Variants in CYFIP1 observed in about 807,000 individuals in gnomAD.
CYFIP1 encodes the protein cytoplasmic FMR1-interacting protein 1.
Under a neutral mutation model 163.5 loss-of-function variants are expected in CYFIP1, and 58 were observed. That is an observed-to-expected ratio of 0.35 (90% confidence interval 0.29 to 0.44). The LOEUF is 0.44. Among genes scored for constraint, CYFIP1 ranks in the 20% least tolerant of loss-of-function variants. CYFIP1 has a pLI of 1.00. For synonymous variants in CYFIP1, 663 were observed against 660.7 expected (o/e 1.00, Z -0.05); for missense variants, 1,338 against 1,653.8 (o/e 0.81, Z 3.31).
Position 22,878,139 on chromosome 15 carries a change from G to T in CYFIP1, c.3042+1774C>A, listed in dbSNP as rs543967150. On this transcript the variant is annotated intron_variant, in intron 26 of 30. Transcript: ENST00000617928. ...GGCCTCCCCAGGCAGCTCTGGAGAC[G>T]AAGTGCCATTCCCATGCACAAGCCA... Among the ~76,000 whole-genome samples, 3 of 152,310 alleles carry T rather than the reference G, an allele frequency of 2.0e-5. No individual in the cohort carries two copies. In the South Asian group the frequency reaches 6.2e-4, roughly 32 times the overall value.
intron 26 of CYFIP1, among the ~76,000 whole-genome samples, chr15:22,875,890 A>ACATATATATATATATG (rs1595491064): frequency 1.3e-4 from 17 of 133,110 alleles, no homozygotes; most frequent in Non-Finnish European, 4.7e-5. Context: ...AATAACATAT[A>ACATATATATATATATG]TATATATAAA....
At chr15:22,915,360 A>C (rs2060938106) in intron 16 of CYFIP1, among the ~76,000 whole-genome samples, 1 of 152,022 alleles carries the variant, frequency 6.6e-6, no homozygotes, top group African/African-American at 2.4e-5. Context: ...CCCGAATTCA[A>C]GTGATTCTCC....
chr15:22,914,967 G>T, intron 16 of CYFIP1, 85 bp from the exon 17 acceptor site: 1 of 1,400,290 alleles, frequency 7.1e-7, no homozygotes, highest in Non-Finnish European at 9.6e-7. Context: ...TGTGTGCTGG[G>T]TGCCTGCTCC....
At chr15:22,883,785 C>A (rs991718842) in intron 23 of CYFIP1, among the ~76,000 whole-genome samples, 5 of 145,612 alleles carry the variant, frequency 3.4e-5, no homozygotes, top group Non-Finnish European at 7.5e-5. Context: ...CCACTGCACT[C>A]CAGCCCGGGT....
chr15:22,914,841 G>T lies in CYFIP1; in HGVS notation c.1870C>A (p.Arg624=). 4 of 1,613,350 alleles carry T rather than the reference G, an allele frequency of 2.5e-6. No individual in the cohort carries two copies. The highest frequency in any genetic ancestry group is 3.4e-6 in the Non-Finnish European group (4 of 1,179,672). ...ATGGTCAGCTCCAGGAAGAACTCTC[G>T]GAACCACAGCTGCGAAAGGTCACAG... is the stretch of plus-strand genomic sequence containing the variant. ...QCCDLSQLWF[R]EFFLELTMGR... The change falls in exon 17 of 31, where the codon CGA becomes AGA. Residue 624 remains arginine (R), a synonymous_variant. Transcript: ENST00000617928.
Position 22,918,757 on chromosome 15 carries a change from G to A in CYFIP1, c.1461C>T (p.Phe487=). 1 of 1,613,596 alleles carries A rather than the reference G, an allele frequency of 6.2e-7. No homozygotes were observed. The highest frequency in any genetic ancestry group is 8.5e-7 in the Non-Finnish European group (1 of 1,179,848). Residue 487 remains phenylalanine, a synonymous_variant, in exon 14 of 31, where the codon TTC becomes TTT. Transcript: ENST00000617928. ...RHTVYAALQD[F]SQVTLREPLR... ...GCGGCTCCCTAAGGGTCACCTGGGAGAAGTCCTGCAGTGCGGCATAGACGG... is the reference window on the plus strand; with the variant it reads ...GCGGCTCCCTAAGGGTCACCTGGGAAAAGTCCTGCAGTGCGGCATAGACGG...
chr15:22,964,439 T>C (rs1332595820), intron 1 of CYFIP1, among the ~76,000 whole-genome samples: 1 of 148,214 alleles, frequency 6.7e-6, no homozygotes, highest in African/African-American at 2.5e-5. Context: ...CTCCGCAGCC[T>C]GGAAGGCAGG....
At chr15:22,924,126 GAAAATTA>G (rs935279508) in intron 13 of CYFIP1, among the ~76,000 whole-genome samples, 1 of 152,096 alleles carries the variant, frequency 6.6e-6, no homozygotes, top group African/African-American at 2.4e-5. Flanking sequence ...TGTGAATCTT[GAAAATTA>G]TGCTAAGTGG....
At chr15:22,912,059 T>C in intron 18 of CYFIP1, 120 bp downstream of exon 18, 1 of 890,528 alleles carries the variant, frequency 1.1e-6, no homozygotes, top group Non-Finnish European at 1.7e-6. Flanking sequence ...TCCCACATGC[T>C]TGCTTCGTGG....
rs138076854 is a variant in CYFIP1, at chr15:22,967,297, C to A, written c.-7+12990G>T. On this transcript the variant is annotated intron_variant, in intron 1 of 30. Coordinates refer to ENST00000617928, the MANE Select transcript of CYFIP1 (RefSeq NM_014608.6). ...AAAAGTGACAATGGCCTGGACGGGGCCCGACTAAGCCCTGCTGGCTGAGGG... is the reference window on the plus strand; with the variant it reads ...AAAAGTGACAATGGCCTGGACGGGGACCGACTAAGCCCTGCTGGCTGAGGG... 2.1e-3 allele frequency among the ~76,000 whole-genome samples: 325 copies of A among 152,262 alleles called. 3 individuals are homozygous for A. Among genetic ancestry groups the A allele is most frequent in the Non-Finnish European group, 3.5e-3 (238 of 68,000 alleles).
chr15:22,978,220 T>C (rs1397313415), intron 1 of CYFIP1, among the ~76,000 whole-genome samples: 2 of 151,032 alleles, frequency 1.3e-5, no homozygotes, highest in African/African-American at 2.4e-5. Flanking sequence ...GGTGTGGTGG[T>C]GCGTGCCTGT....
chr15:22,952,246 G>C lies in CYFIP1; in HGVS notation c.-6-4955C>G, dbSNP rs185594350. 1.7e-3 allele frequency among the ~76,000 whole-genome samples: 260 copies of C among 152,254 alleles called. 3 individuals are homozygous for C. Among genetic ancestry groups the C allele is most frequent in the African/African-American group, 6.0e-3 (250 of 41,552 alleles). ...GGCTGCGTGCTGGGCTGGGGAGTTG[G>C]TGTTTAGTGGATACAGAGTTTCGGC... is the stretch of plus-strand genomic sequence containing the variant. On this transcript the variant is annotated intron_variant, in intron 1 of 30. Coordinates refer to ENST00000617928, the MANE Select transcript of CYFIP1 (RefSeq NM_014608.6).
intron 9 of CYFIP1, 40 bp downstream of exon 9, chr15:22,937,064 C>T: frequency 2.2e-6 from 3 of 1,391,170 alleles, no homozygotes; most frequent in Non-Finnish European, 3.1e-6. Flanking sequence ...AAAGTGCACA[C>T]AAATCAATAA....
At chr15:22,870,269 CTTA>C in intron 30 of CYFIP1, 77 bp from the exon 31 acceptor site, 1 of 1,475,286 alleles carries the variant, frequency 6.8e-7, no homozygotes, top group East Asian at 2.4e-5. Context: ...TGTCAGGATT[CTTA>C]TATTTTCTCA....
intron 1 of CYFIP1, among the ~76,000 whole-genome samples, chr15:22,980,015 G>C (rs368452256): frequency 6.6e-6 from 1 of 151,866 alleles, no homozygotes; most frequent in Non-Finnish European, 1.5e-5. Flanking sequence ...GGCCGAGGCC[G>C]AAAGGCCGGG....
At position 22,925,216 on chromosome 15, in the gene CYFIP1, A is replaced by C. The variant is rs72698038; in HGVS notation, c.1359+766T>G. Among the ~76,000 whole-genome samples the C allele has an allele frequency of 1.2e-3, 178 of 152,292 alleles. 1 individual carries two copies. The highest frequency in any genetic ancestry group is 4.8e-3 in the South Asian group (23 of 4,820). ...AAAATCCTCACTGTGGGATGGGAAA[A>C]GCTGATTCTAAAATGAATATGAAAC... On this transcript the variant is annotated intron_variant, in intron 13 of 30. Transcript: ENST00000617928.
At position 22,949,462 on chromosome 15, in the gene CYFIP1, G is replaced by A. The variant is rs576535919; in HGVS notation, c.-6-2171C>T. On this transcript the variant is annotated intron_variant, in intron 1 of 30. Transcript: ENST00000617928. ...GGTACAGGCTGACAGGAAGGGAGGT[G>A]GAAGGAGGCATGGGCTACGAACCAC... Among the ~76,000 whole-genome samples the A allele has an allele frequency of 4.6e-5, 7 of 152,258 alleles. No individual in the cohort carries two copies. In the East Asian group the frequency reaches 9.7e-4, roughly 21 times the overall value.
intron 17 of CYFIP1, among the ~76,000 whole-genome samples, chr15:22,913,474 G>A (rs1190784588): frequency 7.7e-6 from 1 of 129,084 alleles, no homozygotes; most frequent in African/African-American, 3.1e-5. Flanking sequence ...GTTGCAATGA[G>A]CTGAGATTGT....
chr15:22,947,634 T>C (rs550693520), intron 1 of CYFIP1, among the ~76,000 whole-genome samples: 16 of 152,252 alleles, frequency 1.1e-4, no homozygotes, highest in African/African-American at 3.9e-4. Flanking sequence ...CTCGAGGGTC[T>C]GACGACCCCC....
Sources: gnomAD v4.1 joint callset for allele counts (sites outside exome capture counted in the v4.1 genomes callset) on GRCh38, gnomAD v4.1.1 for gene constraint, MANE v1.5 for transcripts, NCBI Gene and HGNC (gene_info 2026-07-23, HGNC 2026-07-21) for gene names.